The following FOXK1 variants were observed in gnomAD, a reference collection of about 807,000 sequenced individuals.
FOXK1 encodes forkhead box K1, also known as forkhead box protein K1.
A neutral mutation model predicts 51.9 loss-of-function variants in FOXK1; 19 were observed. The ratio of observed to expected loss-of-function variants is 0.37; its 90% confidence interval spans 0.26 to 0.54. The LOEUF (loss-of-function observed/expected upper bound fraction) is 0.54, where lower values mean the gene tolerates loss of function less well. FOXK1 is among the 20% of genes least tolerant of loss of function. The pLI, the probability that FOXK1 is intolerant of heterozygous loss-of-function variation, is 0.87. For synonymous variants in FOXK1, 537 were observed against 482.6 expected (o/e 1.11, Z -1.48); for missense variants, 870 against 1,032.7 (o/e 0.84, Z 2.16).
At chr7:4,752,507 C>T (rs1425829038) in intron 2 of FOXK1, among the ~76,000 whole-genome samples, 1 of 152,248 alleles carries the variant, frequency 6.6e-6, no homozygotes, top group Non-Finnish European at 1.5e-5. Context: ...GTCCCTGCCA[C>T]ACGTGCTGGG....
rs907525446 is a variant in FOXK1 at position 4,707,405 on chromosome 7, G to C, written c.560+24537G>C. ...CTAGTTTAGTACATCCGGCAATGCTGCTGAAAGCAGGCCTCTCCCTGGGCG... is the reference window on the plus strand; with the variant it reads ...CTAGTTTAGTACATCCGGCAATGCTCCTGAAAGCAGGCCTCTCCCTGGGCG... On this transcript the variant is annotated intron_variant, in intron 1 of 8. Coordinates refer to ENST00000328914, the MANE Select transcript of FOXK1 (RefSeq NM_001037165.2). The surrounding 1 kb of genome is among the most constrained non-coding windows in gnomAD (Gnocchi z 4.1). Among the ~76,000 whole-genome samples, 2 of 152,244 alleles carry C rather than the reference G, an allele frequency of 1.3e-5. No individual in the cohort carries two copies. Among genetic ancestry groups the C allele is most frequent in the African/African-American group, 4.8e-5 (2 of 41,462 alleles).
At chr7:4,691,000 C>T (rs965094504) in intron 1 of FOXK1, among the ~76,000 whole-genome samples, 4 of 152,068 alleles carry the variant, frequency 2.6e-5, no homozygotes, top group Non-Finnish European at 2.9e-5. Context: ...ACTTGTTGGG[C>T]GATCTTGTAC....
At chr7:4,705,457 C>T (rs1393852370) in intron 1 of FOXK1, among the ~76,000 whole-genome samples, 1 of 151,972 alleles carries the variant, frequency 6.6e-6, no homozygotes, top group African/African-American at 2.4e-5. Context: ...GCTGGGATTA[C>T]AGGCATAAGC....
At position 4,762,030 on chromosome 7, in the gene FOXK1, C is replaced by T. The variant is rs575751632; in HGVS notation, c.1922-154C>T. Among the ~76,000 whole-genome samples, 5 of 152,088 alleles carry T rather than the reference C, an allele frequency of 3.3e-5. No homozygotes were observed. The East Asian group carries it at 5.8e-4, about 18-fold the overall frequency. On this transcript the variant is annotated intron_variant, in intron 8 of 8. Transcript: ENST00000328914. The surrounding 1 kb of genome is among the most constrained non-coding windows in gnomAD (Gnocchi z 5.7). Reference sequence around the variant, plus strand: ...GAGGTGGGGAGGGGACGGCAGGGCCCGCAGGGAGCAGAGCAAGGGTAGCCG... The same window carrying T: ...GAGGTGGGGAGGGGACGGCAGGGCCTGCAGGGAGCAGAGCAAGGGTAGCCG...
rs1156325719 is a variant in FOXK1 at position 4,715,535 on chromosome 7, C to T, written c.561-25303C>T. Among the ~76,000 whole-genome samples the T allele has an allele frequency of 2.0e-5, 3 of 152,228 alleles. No homozygotes were observed. Among genetic ancestry groups the T allele is most frequent in the African/African-American group, 7.2e-5 (3 of 41,458 alleles). On this transcript the variant is annotated intron_variant, in intron 1 of 8. Coordinates refer to ENST00000328914, the MANE Select transcript of FOXK1 (RefSeq NM_001037165.2). This position sits in a 1 kb window ranked among gnomAD's most constrained non-coding sequence, Gnocchi z 4.5. Reference sequence around the variant, plus strand: ...CTCTGAGAAGCTCTTCATCTATCAGCAGTCAGCTTTCCACTTAAGCAGAGC... The same window carrying T: ...CTCTGAGAAGCTCTTCATCTATCAGTAGTCAGCTTTCCACTTAAGCAGAGC...
At chr7:4,708,533 C>T (rs754639805) in intron 1 of FOXK1, among the ~76,000 whole-genome samples, 1 of 152,182 alleles carries the variant, frequency 6.6e-6, no homozygotes, top group Non-Finnish European at 1.5e-5. Context: ...CATGGCAGAA[C>T]AAGAACTAAA....
chr7:4,725,584 G>C (rs1780370268), intron 1 of FOXK1, among the ~76,000 whole-genome samples: 2 of 152,268 alleles, frequency 1.3e-5, no homozygotes, highest in Non-Finnish European at 2.9e-5. Flanking sequence ...GCCAGTCTGC[G>C]TGAACGGACT....
chr7:4,719,089 A>G lies in FOXK1; in HGVS notation c.561-21749A>G, dbSNP rs191843602. ...CTCCCAAAGTGCTGGGATTACAGGC[A>G]TGAGCCACCACACCCAACCTTGTTT... On this transcript the variant is annotated intron_variant, in intron 1 of 8. Transcript: ENST00000328914. 4.3e-3 allele frequency among the ~76,000 whole-genome samples: 654 copies of G among 151,184 alleles called. 6 individuals carry two copies. The highest frequency in any genetic ancestry group is 0.015 in the African/African-American group (629 of 41,116).
At chr7:4,738,130 GAAAA>G (rs573837324) in intron 1 of FOXK1, among the ~76,000 whole-genome samples, 7 of 91,392 alleles carry the variant, frequency 7.7e-5, no homozygotes, top group African/African-American at 1.7e-4. Flanking sequence ...CTCAAAAAGA[GAAAA>G]AAAAAAAAAA....
At chr7:4,737,518 A>G (rs1410892049) in intron 1 of FOXK1, among the ~76,000 whole-genome samples, 1 of 149,046 alleles carries the variant, frequency 6.7e-6, no homozygotes, top group African/African-American at 2.5e-5. Flanking sequence ...GTGTCCGTGC[A>G]TGCATGTGTG....
At position 4,737,990 on chromosome 7, in the gene FOXK1, C is replaced by T. The variant is rs145851290; in HGVS notation, c.561-2848C>T. On this transcript the variant is annotated intron_variant, in intron 1 of 8. Coordinates refer to ENST00000328914, the MANE Select transcript of FOXK1 (RefSeq NM_001037165.2). ...ATACAAAATTAGCTGGGCGTGGTGGCGCATGCCTGTAGTCCCAGCTACTCG... is the reference window on the plus strand; with the variant it reads ...ATACAAAATTAGCTGGGCGTGGTGGTGCATGCCTGTAGTCCCAGCTACTCG... 3.0e-3 allele frequency among the ~76,000 whole-genome samples: 454 copies of T among 151,556 alleles called. 3 individuals are homozygous for T. Among genetic ancestry groups the T allele is most frequent in the African/African-American group, 0.01 (413 of 41,278 alleles).
At position 4,762,709 on chromosome 7, in the gene FOXK1, T is replaced by G. The variant is rs1215390261; in HGVS notation, c.*245T>G. The G allele has an allele frequency of 1.9e-6, 1 of 516,770 alleles. No homozygotes were observed. Among genetic ancestry groups the G allele is most frequent in the African/African-American group, 1.9e-5 (1 of 51,914 alleles). 32.0% of individuals were successfully genotyped at this position (516,770 alleles called of 1,614,324 possible). On this transcript the variant is annotated 3_prime_UTR_variant, in exon 9 of 9. Coordinates refer to ENST00000328914, the MANE Select transcript of FOXK1 (RefSeq NM_001037165.2). The surrounding 1 kb of genome is among the most constrained non-coding windows in gnomAD (Gnocchi z 5.7). ...ATTCTGGGAATTCTTTGCTTTCCTT[T>G]CCTTCTCCCTCGGCACCACCTCCTC...
At chr7:4,739,283 C>T (rs549472148) in intron 1 of FOXK1, among the ~76,000 whole-genome samples, 2 of 152,322 alleles carry the variant, frequency 1.3e-5, no homozygotes, top group East Asian at 1.9e-4. Flanking sequence ...TCACCGGTGG[C>T]TTATGTACAT....
At chr7:4,713,329 A>G (rs75222450) in intron 1 of FOXK1, among the ~76,000 whole-genome samples, 14 of 145,854 alleles carry the variant, frequency 9.6e-5, no homozygotes, top group African/African-American at 2.8e-4. Flanking sequence ...CCGCTCACTG[A>G]GATTCCCGCT....
intron 1 of FOXK1, among the ~76,000 whole-genome samples, chr7:4,687,641 T>A (rs1055494442): frequency 2.0e-5 from 3 of 152,168 alleles, no homozygotes; most frequent in Admixed American, 6.5e-5. Flanking sequence ...ATTTACCCAA[T>A]TCAAAATTCA....
rs1296129583 is a variant in FOXK1 at position 4,767,178 on chromosome 7, C to A, written c.*4714C>A. ...GAGGACACCCCAAGTCCATCCTGGGCTCCTCCTCACCCCTCTGAGAAAGCC... is the reference window on the plus strand; with the variant it reads ...GAGGACACCCCAAGTCCATCCTGGGATCCTCCTCACCCCTCTGAGAAAGCC... On this transcript the variant is annotated 3_prime_UTR_variant, in exon 9 of 9. Coordinates refer to ENST00000328914, the MANE Select transcript of FOXK1 (RefSeq NM_001037165.2). This position sits in a 1 kb window ranked among gnomAD's most constrained non-coding sequence, Gnocchi z 6.6. 6.6e-6 allele frequency: 1 copy of A among 152,268 alleles called. No homozygotes were observed. Among genetic ancestry groups the A allele is most frequent in the Non-Finnish European group, 1.5e-5 (1 of 68,080 alleles). 9.4% of individuals were successfully genotyped at this position (152,268 alleles called of 1,614,324 possible). A position where few individuals can be genotyped will look rare whatever the true frequency, so the allele number is the denominator to read the frequency against.
intron 1 of FOXK1, among the ~76,000 whole-genome samples, chr7:4,710,016 C>T (rs559771914): frequency 8.5e-5 from 13 of 152,186 alleles, no homozygotes; most frequent in East Asian, 1.9e-4. Flanking sequence ...AATTGTGTGG[C>T]GGTCAGTTAG....
rs1381736223 is a variant in FOXK1 at position 4,700,046 on chromosome 7, T to C, written c.560+17178T>C. ...CCTGTGAAGCGTTTCAGAGTAAATA[T>C]TGCTCTGCCTGCCTGAGAGCCATTT... is the stretch of plus-strand genomic sequence containing the variant. On this transcript the variant is annotated intron_variant, in intron 1 of 8. Transcript: ENST00000328914. 2.6e-5 allele frequency among the ~76,000 whole-genome samples: 4 copies of C among 152,184 alleles called. No homozygotes were observed. In the East Asian group the frequency reaches 5.8e-4, roughly 22 times the overall value.
In FOXK1 at chr7:4,749,071, CT is replaced by C. The variant is rs999366682; in HGVS notation, c.747-5385del. On this transcript the variant is annotated intron_variant, in intron 2 of 8. Transcript: ENST00000328914. This position sits in a 1 kb window ranked among gnomAD's most constrained non-coding sequence, Gnocchi z 6.0. ...GCCTCTCCTTTCCTTTCTCTCTCTA[CT>C]TTCTGAGGGATTTTCTCCAGTCTCT... is the stretch of plus-strand genomic sequence containing the variant. 2.0e-5 allele frequency among the ~76,000 whole-genome samples: 3 copies of C among 152,208 alleles called. No individual in the cohort carries two copies. The highest frequency in any genetic ancestry group is 7.2e-5 in the African/African-American group (3 of 41,452).
Sources: gnomAD v4.1 joint callset for allele counts (sites outside exome capture counted in the v4.1 genomes callset) on GRCh38, gnomAD v4.1.1 for gene constraint, Gnocchi (gnomAD v3.1) non-coding constraint, MANE v1.5 for transcripts, NCBI Gene and HGNC (gene_info 2026-07-23, HGNC 2026-07-21) for gene names.